The following SH3BGRL2 variants were observed in gnomAD, a reference collection of about 807,000 sequenced individuals.
SH3BGRL2 encodes the protein SH3 domain binding glutamate rich protein like 2.
A neutral mutation model predicts 14.8 loss-of-function variants in SH3BGRL2; 21 were observed. That is an observed-to-expected ratio of 1.42 (90% CI 1.01 to 2.05). The LOEUF (loss-of-function observed/expected upper bound fraction) is 2.05, where lower values mean the gene tolerates loss of function less well. SH3BGRL2 is among the 30% of genes most tolerant of loss of function. The pLI is 0.00. For missense variants in SH3BGRL2, 147 were observed against 130.8 expected (o/e 1.12, Z -0.61); for synonymous variants, 50 against 47.8 (o/e 1.05, Z -0.19).
chr6:79,633,639 T>C (rs561656699), intron 1 of SH3BGRL2, among the ~76,000 whole-genome samples: 1 of 152,336 alleles, frequency 6.6e-6, no homozygotes, highest in Non-Finnish European at 1.5e-5. Flanking sequence ...AATATTCTGC[T>C]GTTTGAAGAC....
upstream of SH3BGRL2, chr6:79,631,243 G>C (rs1164534844): frequency 2.5e-6 from 1 of 406,262 alleles, no homozygotes; most frequent in African/African-American, 2.1e-5. Context: ...CCCCGCAGCC[G>C]GCTCCCTCCT....
chr6:79,615,865 T>C, the SH3BGRL2 span, among the ~76,000 whole-genome samples: 5 of 145,778 alleles, frequency 3.4e-5, no homozygotes, highest in Non-Finnish European at 7.5e-5. Flanking sequence ...AGAGTTTTGC[T>C]ATTGTTGCCC....
chr6:79,661,321 G>C (rs532628811), intron 1 of SH3BGRL2, among the ~76,000 whole-genome samples: 11 of 152,194 alleles, frequency 7.2e-5, no homozygotes, highest in Middle Eastern at 3.4e-3. Context: ...ATAGATTCTG[G>C]TATGTTGTGC....
the SH3BGRL2 span, among the ~76,000 whole-genome samples, chr6:79,571,912 A>G: frequency 6.6e-6 from 1 of 152,198 alleles, no homozygotes; most frequent in Admixed American, 6.5e-5. Context: ...TTTAAAAAAT[A>G]AACTCTTTTT....
At chr6:79,542,625 C>T in the SH3BGRL2 span, among the ~76,000 whole-genome samples, 1 of 152,186 alleles carries the variant, frequency 6.6e-6, no homozygotes, top group Non-Finnish European at 1.5e-5. Context: ...ATTTCCCAGA[C>T]ACCCTTGCTA....
chr6:79,594,873 A>C, the SH3BGRL2 span, among the ~76,000 whole-genome samples: 1 of 152,238 alleles, frequency 6.6e-6, no homozygotes, highest in Non-Finnish European at 1.5e-5. Context: ...GCAAAACTTT[A>C]CAAGACAATT....
At chr6:79,653,405 C>A (rs1255346453) in intron 1 of SH3BGRL2, among the ~76,000 whole-genome samples, 1 of 152,024 alleles carries the variant, frequency 6.6e-6, no homozygotes, top group Non-Finnish European at 1.5e-5. Flanking sequence ...TAATTGCTTA[C>A]CCTGGAACCA....
At position 79,661,216 on chromosome 6, in the gene SH3BGRL2, T is replaced by C. The variant is rs184243680; in HGVS notation, c.46-12398T>C. On this transcript the variant is annotated intron_variant, in intron 1 of 3. Transcript: ENST00000369838. ...GTTGCTTCTCTAGTTACTTTAACTG[T>C]GATGTTAGGGTGTCGATTTTAGATC... 5.3e-5 allele frequency among the ~76,000 whole-genome samples: 8 copies of C among 152,350 alleles called. No individual in the cohort carries two copies. In the East Asian group the frequency reaches 1.3e-3, roughly 26 times the overall value.
At chr6:79,689,781 T>C (rs1412060682) in intron 2 of SH3BGRL2, among the ~76,000 whole-genome samples, 2 of 152,206 alleles carry the variant, frequency 1.3e-5, no homozygotes, top group African/African-American at 4.8e-5. Context: ...CACTGAAACC[T>C]GAAATATAAA....
intron 1 of SH3BGRL2, among the ~76,000 whole-genome samples, chr6:79,648,748 A>G (rs1227200622): frequency 1.3e-5 from 2 of 152,178 alleles, no homozygotes; most frequent in Non-Finnish European, 2.9e-5. Context: ...TGTATTTTCC[A>G]TATCAGAATA....
chr6:79,591,914 G>A, the SH3BGRL2 span, among the ~76,000 whole-genome samples: 7 of 152,242 alleles, frequency 4.6e-5, no homozygotes, highest in African/African-American at 1.2e-4. Context: ...TAATGATGAC[G>A]TTGAAAGATT....
intron 1 of SH3BGRL2, among the ~76,000 whole-genome samples, chr6:79,647,230 A>G (rs1371544982): frequency 1.3e-5 from 2 of 151,806 alleles, no homozygotes; most frequent in African/African-American, 4.8e-5. Context: ...TCATTGTAGC[A>G]CTTTTAGAGA....
upstream of SH3BGRL2, among the ~76,000 whole-genome samples, chr6:79,626,972 G>A (rs1473370096): frequency 1.3e-5 from 2 of 152,076 alleles, no homozygotes; most frequent in Non-Finnish European, 2.9e-5. Context: ...GCAACTCAAG[G>A]GCAGGAACCA....
At chr6:79,599,713 C>T in the SH3BGRL2 span, among the ~76,000 whole-genome samples, 1 of 152,120 alleles carries the variant, frequency 6.6e-6, no homozygotes, top group African/African-American at 2.4e-5. Context: ...GGGCAGACAT[C>T]TTATTAATTG....
chr6:79,572,025 A>G, the SH3BGRL2 span, among the ~76,000 whole-genome samples: 1 of 152,220 alleles, frequency 6.6e-6, no homozygotes, highest in African/African-American at 2.4e-5. Flanking sequence ...CAACAATGGT[A>G]CATTTGTCCA....
chr6:79,687,759 ATTC>A (rs1255584239), intron 2 of SH3BGRL2, among the ~76,000 whole-genome samples: 6 of 152,236 alleles, frequency 3.9e-5, no homozygotes, highest in Admixed American at 2.0e-4. Context: ...TTTAAAAAAT[ATTC>A]TTCTTTTGGG....
At chr6:79,586,558 T>C in the SH3BGRL2 span, among the ~76,000 whole-genome samples, 43 of 152,284 alleles carry the variant, frequency 2.8e-4, no homozygotes, top group African/African-American at 1.0e-3. Flanking sequence ...AGACTAACAT[T>C]TAAGGCAACA....
At position 79,631,563 on chromosome 6, in the gene SH3BGRL2, A is replaced by G. The variant is rs963056092; in HGVS notation, c.45+57A>G. 2.6e-4 allele frequency: 331 copies of G among 1,294,764 alleles called. 3 individuals are homozygous for G. The East Asian group carries it at 0.01, about 40-fold the overall frequency. The allele number at this position is 1,294,764 out of a possible 1,614,324, so 80.2% of individuals were successfully genotyped here. A position where few individuals can be genotyped will look rare whatever the true frequency, so the allele number is the denominator to read the frequency against. On this transcript the variant is annotated intron_variant, in intron 1 of 3. Transcript: ENST00000369838. ...GGTCGCGGGGCGCGGGTCCTGCGGG[A>G]GGCGCGCGGCGCTCGTCACTGCGCG... is the stretch of plus-strand genomic sequence containing the variant.
intron 1 of SH3BGRL2, among the ~76,000 whole-genome samples, chr6:79,673,340 C>G (rs532675301): frequency 6.6e-6 from 1 of 151,654 alleles, no homozygotes; most frequent in African/African-American, 2.4e-5. Context: ...TTTGGGAGGC[C>G]GAGGTGGGTA....
Sources: allele counts gnomAD v4.1 joint callset (sites outside exome capture counted in the v4.1 genomes callset), GRCh38; gene constraint gnomAD v4.1.1; transcripts MANE v1.5; gene names NCBI Gene and HGNC (gene_info 2026-07-23, HGNC 2026-07-21).